Variants in CFAP43 observed in about 807,000 individuals in gnomAD.
The protein encoded by CFAP43 is cilia and flagella associated protein 43, also known as cilia- and flagella-associated protein 43.
Under a neutral mutation model 218.9 loss-of-function variants are expected in CFAP43, and 155 were observed. That is an observed-to-expected ratio of 0.71 (90% CI 0.62 to 0.81). CFAP43 has a LOEUF of 0.81. Ranked by LOEUF, CFAP43 falls within the 30% of genes least tolerant of loss-of-function variation. The pLI, the probability that CFAP43 is intolerant of heterozygous loss-of-function variation, is 0.00. For missense variants in CFAP43, 1,778 were observed against 1,954.3 expected (o/e 0.91, Z 1.70); for synonymous variants, 645 against 681.3 (o/e 0.95, Z 0.83).
chr10:104,196,819 A>C, intron 10 of CFAP43, 34 bp downstream of exon 10: 3 of 1,516,798 alleles, frequency 2.0e-6, no homozygotes, highest in Non-Finnish European at 2.7e-6. Flanking sequence ...AGAATTCAGT[A>C]TTTTTTTAAA....
At chr10:104,226,562 T>C (rs2091308457) in intron 2 of CFAP43, among the ~76,000 whole-genome samples, 1 of 148,172 alleles carries the variant, frequency 6.7e-6, no homozygotes, top group Non-Finnish European at 1.5e-5. Flanking sequence ...TTGAAGAAAA[T>C]GCCAAAAAAA....
Position 104,130,415 on chromosome 10 carries a change from T to C in CFAP43, c.4832-110A>G. ...GAAATGCTGGTAGCAAAAAGGCATA[T>C]GCACTTGTATGTTTACAGCAGCACT... On this transcript the variant is annotated intron_variant, in intron 37 of 37. Transcript: ENST00000357060. 4.0e-6 allele frequency: 5 copies of C among 1,238,788 alleles called. No homozygotes were observed. In the South Asian group the frequency reaches 4.1e-5, roughly 10 times the overall value. The allele number at this position is 1,238,788 out of a possible 1,614,324, so 76.7% of individuals were successfully genotyped here.
In CFAP43 at chr10:104,191,787, T is replaced by TGG. The variant is rs1258613789; in HGVS notation, c.1546+411_1546+412insCC. Among the ~76,000 whole-genome samples the TGG allele has an allele frequency of 4.8e-4, 38 of 79,356 alleles. 1 individual carries two copies. The highest frequency in any genetic ancestry group is 1.4e-3 in the Admixed American group (12 of 8,632). 52.1% of individuals were successfully genotyped at this position (79,356 alleles called of 152,430 possible). ...GGAGAATTTTAAAAAAAATTGTGTGTGTGGGGGGGGGGAAACACATATACA... is the reference window on the plus strand; with the variant it reads ...GGAGAATTTTAAAAAAAATTGTGTGTGGGTGGGGGGGGGGAAACACATATACA... On this transcript the variant is annotated intron_variant, in intron 12 of 37. Transcript: ENST00000357060.
rs530376020 is a variant in CFAP43 at position 104,170,752 on chromosome 10, C to T, written c.2586+1658G>A. Among the ~76,000 whole-genome samples the T allele has an allele frequency of 7.9e-4, 120 of 152,260 alleles. 1 individual carries two copies. The highest frequency in any genetic ancestry group is 1.4e-3 in the Non-Finnish European group (94 of 68,036). ...TAAAAAGCTCCTAGATTGGTGCCTA[C>T]CTCTTGTGATAAGAAAATGGGATTT... On this transcript the variant is annotated intron_variant, in intron 20 of 37. Coordinates refer to ENST00000357060, the MANE Select transcript of CFAP43 (RefSeq NM_025145.7).
At chr10:104,184,908 C>T in intron 16 of CFAP43, 108 bp downstream of exon 16, 1 of 1,485,992 alleles carries the variant, frequency 6.7e-7, no homozygotes, top group Non-Finnish European at 8.9e-7. Context: ...TTTCTTTGCA[C>T]TGGCAGTGGT....
chr10:104,198,237 C>T (rs189029115), intron 8 of CFAP43, among the ~76,000 whole-genome samples, 199 bp from the exon 9 acceptor site: 16 of 152,182 alleles, frequency 1.1e-4, no homozygotes, highest in African/African-American at 3.4e-4. Flanking sequence ...ATTGATTGAT[C>T]GGTTGATTCA....
At position 104,159,906 on chromosome 10, in the gene CFAP43, G is replaced by A. The variant is rs1415533405; in HGVS notation, c.3540+1131C>T. On this transcript the variant is annotated intron_variant, in intron 27 of 37. Transcript: ENST00000357060. ...TGCATTTTTAACAAATCCCCCAGGT[G>A]ATGCAGATTCGCATTCAAGTGTGAG... 2.0e-5 allele frequency among the ~76,000 whole-genome samples: 3 copies of A among 152,168 alleles called. No individual in the cohort carries two copies. The East Asian group carries it at 5.8e-4, about 29-fold the overall frequency.
chr10:104,195,311 A>G (rs531711331), intron 10 of CFAP43, among the ~76,000 whole-genome samples: 1 of 152,286 alleles, frequency 6.6e-6, no homozygotes, highest in South Asian at 2.1e-4. Context: ...GTATATCCTG[A>G]TTATATGGGC....
Position 104,143,522 on chromosome 10 carries a change from C to T in CFAP43, c.4062G>A (p.Glu1354=). Residue 1354 remains glutamate, a synonymous_variant, in exon 32 of 38, where the codon GAG becomes GAA. Coordinates refer to ENST00000357060, the MANE Select transcript of CFAP43 (RefSeq NM_025145.7). ...AFAQLMKAMD[E]LDNISNMPEG... is the part of the protein sequence containing the mutation. ...CTGGCATGTTACTAATATTGTCCAA[C>T]TCATCCATAGCTTTCATTAACTGGG... 6.2e-7 allele frequency: 1 copy of T among 1,614,212 alleles called. No individual in the cohort carries two copies. The highest frequency in any genetic ancestry group is 8.5e-7 in the Non-Finnish European group (1 of 1,180,040).
At position 104,180,480 on chromosome 10, in the gene CFAP43, C is replaced by G. The variant is rs551914781; in HGVS notation, c.2290-548G>C. ...TTTTTTTTTGAGACGGAGTCTTGCT[C>G]TGTCACCCAGGCTGGAGTGCAGTGG... On this transcript the variant is annotated intron_variant, in intron 17 of 37. Coordinates refer to ENST00000357060, the MANE Select transcript of CFAP43 (RefSeq NM_025145.7). Among the ~76,000 whole-genome samples, 10 of 142,828 alleles carry G rather than the reference C, an allele frequency of 7.0e-5. No individual in the cohort carries two copies. In the East Asian group the frequency reaches 1.8e-3, roughly 26 times the overall value. The allele number at this position is 142,828 out of a possible 152,430, so 93.7% of individuals were successfully genotyped here.
intron 6 of CFAP43, among the ~76,000 whole-genome samples, chr10:104,207,416 C>T (rs1021217600): frequency 2.0e-5 from 3 of 152,260 alleles, no homozygotes; most frequent in Middle Eastern, 6.8e-3. Context: ...TTTACGTGGA[C>T]TGGGCCATGT....
intron 31 of CFAP43, among the ~76,000 whole-genome samples, 178 bp downstream of exon 31, chr10:104,145,298 A>T (rs1169338443): frequency 2.0e-5 from 3 of 152,258 alleles, no homozygotes; most frequent in Non-Finnish European, 4.4e-5. Context: ...CTACCTTAAG[A>T]TATAGACATA....
rs1247163363 is a variant in CFAP43 at position 104,230,648 on chromosome 10, T to C, written c.261A>G (p.Leu87=). 3 of 1,614,158 alleles carry C rather than the reference T, an allele frequency of 1.9e-6. No homozygotes were observed. The Admixed American group carries it at 5.0e-5, about 27-fold the overall frequency. ...AGCTGTATACGTAGATGAGAGGTTT[T>C]AGCTTCCGGTCAGAAAAAGCCACAA... is the stretch of plus-strand genomic sequence containing the variant. The part of the protein sequence containing the change: ...CEVVAFSDRK[L]KPLIYVYSFP... Residue 87 remains leucine (L), a synonymous_variant, in exon 2 of 38, where the codon CTA becomes CTG. Transcript: ENST00000357060.
At chr10:104,207,929 T>C (rs2090745148) in intron 5 of CFAP43, 105 bp from the exon 6 acceptor site, 2 of 1,139,310 alleles carry the variant, frequency 1.8e-6, no homozygotes, top group South Asian at 1.8e-5. Flanking sequence ...CTTAACCCCA[T>C]AGACGCAGAA....
At chr10:104,200,670 C>CAA (rs71022722) in intron 8 of CFAP43, among the ~76,000 whole-genome samples, 33 of 22,582 alleles carry the variant, frequency 1.5e-3, no homozygotes, top group African/African-American at 1.9e-3. Context: ...GACTCTGTCT[C>CAA]AAAAAAAAAA....
intron 28 of CFAP43, among the ~76,000 whole-genome samples, chr10:104,149,019 A>C (rs749985094): frequency 6.6e-6 from 1 of 152,130 alleles, no homozygotes; most frequent in Non-Finnish European, 1.5e-5. Flanking sequence ...TAAATCTCTT[A>C]TACTCTTCAC....
rs928748347 is a variant in CFAP43 at position 104,190,039 on chromosome 10, G to A, written c.1547-1629C>T. Among the ~76,000 whole-genome samples the A allele has an allele frequency of 7.3e-5, 11 of 151,600 alleles. No homozygotes were observed. In the East Asian group the frequency reaches 1.9e-3, roughly 27 times the overall value. ...AAAAATTAGCCTGGCGCGGTGGCGG[G>A]CGCCTGTAGGCCCAGCTACTCAGGA... On this transcript the variant is annotated intron_variant, in intron 12 of 37. Transcript: ENST00000357060.
chr10:104,184,133 T>C (rs993274377), intron 16 of CFAP43, among the ~76,000 whole-genome samples: 1 of 152,266 alleles, frequency 6.6e-6, no homozygotes, highest in Admixed American at 6.5e-5. Context: ...AAGTCTAGCA[T>C]GGCTGACTCC....
Position 104,130,195 on chromosome 10 carries a change from G to A in CFAP43, c.4942C>T (p.Gln1648Ter). Residue 1648 changes from glutamine to a stop codon, truncating the protein, a stop_gained, in exon 38 of 38, where the codon CAG becomes TAG. Coordinates refer to ENST00000357060, the MANE Select transcript of CFAP43 (RefSeq NM_025145.7). LOFTEE classifies it high-confidence loss of function. ...ATTCTTAATCTTTCAACTTCAGTCT[G>A]TAGTATTGAAATCTGTTCAGCTTGT... Reference protein sequence around the residue: ...KQQAEQISILQTEVERLRMKT... With the variant: ...KQQAEQISIL 1 of 1,611,314 alleles carries A rather than the reference G, an allele frequency of 6.2e-7. No individual in the cohort carries two copies. The highest frequency in any genetic ancestry group is 8.5e-7 in the Non-Finnish European group (1 of 1,179,278).
Sources: gnomAD v4.1 joint callset for allele counts (sites outside exome capture counted in the v4.1 genomes callset) on GRCh38, gnomAD v4.1.1 for gene constraint, MANE v1.5 for transcripts, NCBI Gene and HGNC (gene_info 2026-07-23, HGNC 2026-07-21) for gene names.